The following SEPTIN7 variants were observed in gnomAD, a reference collection of about 807,000 sequenced individuals.
SEPTIN7 encodes septin 7.
In SEPTIN7, 10 loss-of-function variants were observed where a neutral mutation model predicts 63.3. That is an observed-to-expected ratio of 0.16 (90% CI 0.10 to 0.27). The LOEUF is 0.27. Ranked by LOEUF, SEPTIN7 falls within the 10% of genes least tolerant of loss-of-function variation. The pLI is 1.00. For synonymous variants in SEPTIN7, 131 were observed against 165.3 expected (o/e 0.79, Z 1.59); for missense variants, 310 against 521.0 (o/e 0.59, Z 3.94).
intron 11 of SEPTIN7, among the ~76,000 whole-genome samples, chr7:35,895,884 C>T (rs541613540): frequency 6.6e-6 from 1 of 152,344 alleles, no homozygotes; most frequent in South Asian, 2.1e-4. Flanking sequence ...GATCTTGGCT[C>T]ACTGCAACCT....
intron 3 of SEPTIN7, among the ~76,000 whole-genome samples, chr7:35,836,912 A>G (rs1022390101): frequency 2.0e-5 from 3 of 152,008 alleles, no homozygotes; most frequent in Non-Finnish European, 4.4e-5. Context: ...CTGTATTTTT[A>G]TTTTGCTTTT....
intron 1 of SEPTIN7, among the ~76,000 whole-genome samples, chr7:35,806,458 C>T (rs1193028544): frequency 2.0e-5 from 3 of 152,070 alleles, no homozygotes; most frequent in Admixed American, 6.5e-5. Context: ...ACTACAAGAC[C>T]CATTGATTAG....
At chr7:35,826,320 T>C (rs1244921673) in intron 1 of SEPTIN7, among the ~76,000 whole-genome samples, 2 of 151,260 alleles carry the variant, frequency 1.3e-5, no homozygotes, top group African/African-American at 2.4e-5. Context: ...TTGTTTTTCA[T>C]ATTTAGAATT....
chr7:35,915,317 A>C, the SEPTIN7 span, among the ~76,000 whole-genome samples: 2 of 152,058 alleles, frequency 1.3e-5, no homozygotes, highest in Admixed American at 6.6e-5. Flanking sequence ...TCATACACAC[A>C]CACTTCTGGA....
chr7:35,804,442 C>T (rs1788195062), intron 1 of SEPTIN7, among the ~76,000 whole-genome samples: 1 of 152,174 alleles, frequency 6.6e-6, no homozygotes, highest in African/African-American at 2.4e-5. Flanking sequence ...GGCCGTAGAC[C>T]AGACACACAC....
intron 1 of SEPTIN7, chr7:35,815,062 T>C: frequency 3.2e-6 from 1 of 315,440 alleles, no homozygotes; most frequent in East Asian, 1.1e-4. Context: ...TATATATTAA[T>C]TTTTTTCATT....
intron 3 of SEPTIN7, among the ~76,000 whole-genome samples, chr7:35,848,618 C>A (rs778220490): frequency 5.3e-5 from 8 of 152,082 alleles, no homozygotes; most frequent in Non-Finnish European, 1.0e-4. Flanking sequence ...GTATTTAAAC[C>A]GTCAATTTCA....
At chr7:35,877,470 T>C (rs1425632170) in intron 6 of SEPTIN7, among the ~76,000 whole-genome samples, 1 of 152,186 alleles carries the variant, frequency 6.6e-6, no homozygotes, top group African/African-American at 2.4e-5. Flanking sequence ...TGTTTCTCTT[T>C]CTTTATTTTA....
chr7:35,803,062 C>A, intron 1 of SEPTIN7: 1 of 579,756 alleles, frequency 1.7e-6, no homozygotes, highest in Non-Finnish European at 2.2e-6. Flanking sequence ...TTCAAATTCA[C>A]AACAAATAAC....
intron 11 of SEPTIN7, among the ~76,000 whole-genome samples, chr7:35,896,754 G>GA (rs1251574377): frequency 6.6e-6 from 1 of 152,116 alleles, no homozygotes; most frequent in Non-Finnish European, 1.5e-5. Context: ...TGTTTAATTG[G>GA]AAAAATATAT....
At chr7:35,880,819 T>G (rs2116273339) in intron 7 of SEPTIN7, among the ~76,000 whole-genome samples, 1 of 152,228 alleles carries the variant, frequency 6.6e-6, no homozygotes, top group East Asian at 1.9e-4. Context: ...TTTTCTAGAC[T>G]CACGTCTAGT....
At chr7:35,914,622 C>T in the SEPTIN7 span, among the ~76,000 whole-genome samples, 1 of 147,360 alleles carries the variant, frequency 6.8e-6, no homozygotes, top group Admixed American at 7.0e-5. Flanking sequence ...ATCTCTCTCT[C>T]TTCTCTCTTT....
Position 35,801,145 on chromosome 7 carries a change from G to T in SEPTIN7, c.-65G>T. ...CGGGCGGCTACGCTGCGGAATCGGCGTAGGCGCCTTTGGAGAATCGGCGGG... is the reference window on the plus strand; with the variant it reads ...CGGGCGGCTACGCTGCGGAATCGGCTTAGGCGCCTTTGGAGAATCGGCGGG... On this transcript the variant is annotated 5_prime_UTR_variant, in exon 1 of 14. Coordinates refer to ENST00000350320, the MANE Select transcript of SEPTIN7 (RefSeq NM_001788.6). The T allele has an allele frequency of 7.3e-7, 1 of 1,378,258 alleles. No homozygotes were observed. The highest frequency in any genetic ancestry group is 9.7e-7 in the Non-Finnish European group (1 of 1,034,254). 85.4% of individuals were successfully genotyped at this position (1,378,258 alleles called of 1,614,324 possible).
chr7:35,847,103 C>A, intron 3 of SEPTIN7: 2 of 187,752 alleles, frequency 1.1e-5, no homozygotes, highest in South Asian at 2.4e-4. Context: ...TTACGGGAGT[C>A]TGCAGCTGTG....
chr7:35,812,002 C>A, intron 1 of SEPTIN7: 1 of 195,800 alleles, frequency 5.1e-6, no homozygotes, highest in Admixed American at 6.0e-5. Context: ...TGGTTGGTGC[C>A]TGTAATCCCA....
intron 1 of SEPTIN7, among the ~76,000 whole-genome samples, chr7:35,809,517 A>G (rs1788564114): frequency 6.6e-6 from 1 of 152,208 alleles, no homozygotes; most frequent in Non-Finnish European, 1.5e-5. Flanking sequence ...TCCCCAACCC[A>G]TAACTGGCTT....
rs200732798 is a variant in SEPTIN7, at chr7:35,832,949, C to T, written c.169+49C>T. ...ATGGAACTTTGGTTTAAGTTTTAAA[C>T]GTTAGTCAACTCTGAATAGATTTAA... On this transcript the variant is annotated intron_variant, in intron 3 of 13. Coordinates refer to ENST00000350320, the MANE Select transcript of SEPTIN7 (RefSeq NM_001788.6). 4.9e-5 allele frequency: 48 copies of T among 978,612 alleles called. 1 individual carries two copies. Among genetic ancestry groups the T allele is most frequent in the South Asian group, 3.1e-4 (24 of 77,778 alleles). 60.6% of individuals were successfully genotyped at this position (978,612 alleles called of 1,614,324 possible).
intron 7 of SEPTIN7, among the ~76,000 whole-genome samples, chr7:35,881,978 A>G (rs1457293419): frequency 6.6e-6 from 1 of 151,940 alleles, no homozygotes; most frequent in Non-Finnish European, 1.5e-5. Flanking sequence ...GTGTATGCAC[A>G]TGTACATGTA....
chr7:35,867,700 C>T (rs1319115508), intron 4 of SEPTIN7, among the ~76,000 whole-genome samples: 1 of 152,186 alleles, frequency 6.6e-6, no homozygotes, highest in African/African-American at 2.4e-5. Flanking sequence ...AGGGTATCAT[C>T]TGTCTTTTCT....
Sources: gnomAD v4.1 joint callset for allele counts (sites outside exome capture counted in the v4.1 genomes callset) on GRCh38, gnomAD v4.1.1 for gene constraint, MANE v1.5 for transcripts, NCBI Gene and HGNC (gene_info 2026-07-23, HGNC 2026-07-21) for gene names.